Variants in CDH12 observed in about 807,000 individuals in gnomAD.
The protein encoded by CDH12 is cadherin-12.
CDH12 carries 41 observed loss-of-function variants against 74.1 expected under a neutral mutation model. That is an observed-to-expected ratio of 0.55 (90% CI 0.43 to 0.72). CDH12 has a LOEUF of 0.72. CDH12 is among the 30% of genes least tolerant of loss of function. The pLI is 0.00. For synonymous variants in CDH12, 399 were observed against 355.0 expected (o/e 1.12, Z -1.39); for missense variants, 945 against 977.2 (o/e 0.97, Z 0.44).
At chr5:21,921,233 T>C (rs1050266966) in intron 6 of CDH12, among the ~76,000 whole-genome samples, 1 of 152,190 alleles carries the variant, frequency 6.6e-6, no homozygotes, top group Non-Finnish European at 1.5e-5. Context: ...ATGAGTGGCA[T>C]GATCCTAAAT....
intron 1 of CDH12, among the ~76,000 whole-genome samples, chr5:22,599,756 A>G (rs1031458241): frequency 6.6e-6 from 1 of 152,182 alleles, no homozygotes; most frequent in Admixed American, 6.5e-5. Context: ...ATACTTATTT[A>G]TGTATCAAAT....
intron 3 of CDH12, among the ~76,000 whole-genome samples, chr5:22,227,402 C>G (rs1752233534): frequency 6.6e-6 from 1 of 152,062 alleles, no homozygotes; most frequent in Non-Finnish European, 1.5e-5. Flanking sequence ...AAGATAGAAA[C>G]ATGTCAATAA....
chr5:22,183,493 T>C lies in CDH12; in HGVS notation c.-187+29005A>G, dbSNP rs4260631. The stretch of plus-strand genomic sequence containing the variant: ...GTTATAGCACAGACTACTTTTAAAA[T>C]ATTTTTTTCTTATAAAGAAGAAAGA... On this transcript the variant is annotated intron_variant, in intron 4 of 14. Transcript: ENST00000382254. 7.5e-3 allele frequency among the ~76,000 whole-genome samples: 1,147 copies of C among 152,264 alleles called. 19 individuals are homozygous for C. Among genetic ancestry groups the C allele is most frequent in the African/African-American group, 0.026 (1,095 of 41,534 alleles).
At position 21,975,376 on chromosome 5, in the gene CDH12, C is replaced by T. The variant is rs766687645; in HGVS notation, c.241G>A (p.Asp81Asn). 40 of 1,587,870 alleles carry T rather than the reference C, an allele frequency of 2.5e-5. No individual in the cohort carries two copies. The highest frequency in any genetic ancestry group is 2.3e-4 in the Middle Eastern group (1 of 4,362). ...EPQYVGKLHS[D>N]LDKGEGTVKY... Reference sequence around the variant, plus strand: ...ACAGTGCCCTCTCCCTTGTCTAAGTCGGAATGGAGCTTTAGGGAAGAGAAG... The same window carrying T: ...ACAGTGCCCTCTCCCTTGTCTAAGTTGGAATGGAGCTTTAGGGAAGAGAAG... The change falls in exon 6 of 15, where the codon GAC (aspartate) becomes AAC (asparagine). Residue 81 changes from aspartate to asparagine, a missense_variant. Asp to Asn is a conservative substitution (Grantham distance 23). Transcript: ENST00000382254.
chr5:22,799,789 T>C lies in CDH12; in HGVS notation c.-523+53269A>G, dbSNP rs149329612. Among the ~76,000 whole-genome samples the C allele has an allele frequency of 1.9e-4, 29 of 152,240 alleles. No homozygotes were observed. In the East Asian group the frequency reaches 4.2e-3, roughly 22 times the overall value. ...CGTATACCTACATATATACCTACAA[T>C]ATACACAATATATTGATATTTACAA... On this transcript the variant is annotated intron_variant, in intron 1 of 14. Coordinates refer to ENST00000382254, the MANE Select transcript of CDH12 (RefSeq NM_004061.5).
chr5:22,118,962 T>A (rs1745336113), intron 4 of CDH12, among the ~76,000 whole-genome samples: 1 of 152,066 alleles, frequency 6.6e-6, no homozygotes, highest in African/African-American at 2.4e-5. Context: ...ATAATTGCAG[T>A]GAAAAAGTGG....
intron 3 of CDH12, among the ~76,000 whole-genome samples, chr5:22,261,071 G>GTT (rs1251807405): frequency 7.0e-6 from 1 of 143,576 alleles, no homozygotes; most frequent in Admixed American, 7.2e-5. Context: ...GTGTGTGTGT[G>GTT]TGTATATACA....
At chr5:22,379,752 CTATT>C (rs1298683410) in intron 3 of CDH12, among the ~76,000 whole-genome samples, 1 of 151,960 alleles carries the variant, frequency 6.6e-6, no homozygotes, top group Non-Finnish European at 1.5e-5. Flanking sequence ...TTTTATTTAT[CTATT>C]TATTTGTTTA....
chr5:22,343,344 AGAGAGAGAGAGAGAG>A (rs1739972503), intron 3 of CDH12, among the ~76,000 whole-genome samples: 1 of 151,582 alleles, frequency 6.6e-6, no homozygotes, highest in African/African-American at 2.4e-5. Flanking sequence ...AGAGAGAGAG[AGAGAGAGAGAGAGAG>A]AGAGAACACA....
intron 6 of CDH12, among the ~76,000 whole-genome samples, chr5:21,870,294 G>T (rs1171286851): frequency 6.6e-6 from 1 of 152,162 alleles, no homozygotes; most frequent in African/African-American, 2.4e-5. Context: ...GTGTGTGTCT[G>T]TGAGGGTGTT....
At chr5:22,772,865 T>C (rs1029118985) in intron 1 of CDH12, among the ~76,000 whole-genome samples, 1 of 151,854 alleles carries the variant, frequency 6.6e-6, no homozygotes, top group Non-Finnish European at 1.5e-5. Flanking sequence ...AGAATCCTAA[T>C]GAAATTAAAG....
intron 2 of CDH12, among the ~76,000 whole-genome samples, chr5:22,442,123 A>C (rs1744651911): frequency 6.6e-6 from 1 of 152,196 alleles, no homozygotes; most frequent in African/African-American, 2.4e-5. Flanking sequence ...ACTGACTAAA[A>C]GTCGGGTCTA....
intron 4 of CDH12, among the ~76,000 whole-genome samples, chr5:22,129,451 C>A (rs1433702711): frequency 6.6e-6 from 1 of 152,110 alleles, no homozygotes; most frequent in African/African-American, 2.4e-5. Context: ...TGAGAAAAAT[C>A]TCAGCAGAGG....
chr5:21,951,311 C>T (rs188956490), intron 6 of CDH12, among the ~76,000 whole-genome samples: 14 of 152,218 alleles, frequency 9.2e-5, no homozygotes, highest in East Asian at 7.7e-4. Flanking sequence ...TGCAGTGGTG[C>T]GGTCTCAGCT....
At chr5:22,479,998 TCCTCTAAAAG>T (rs1159064122) in intron 2 of CDH12, among the ~76,000 whole-genome samples, 1 of 152,166 alleles carries the variant, frequency 6.6e-6, no homozygotes, top group Admixed American at 6.6e-5. Context: ...ATCCTATCCT[TCCTCTAAAAG>T]TTAGGTAACC....
chr5:21,842,269 G>C lies in CDH12; in HGVS notation c.706C>G (p.Leu236Val). 1 of 1,613,026 alleles carries C rather than the reference G, an allele frequency of 6.2e-7. No individual in the cohort carries two copies. The highest frequency in any genetic ancestry group is 8.5e-7 in the Non-Finnish European group (1 of 1,179,226). ...DREVKEQYQV[L>V]IQAKDMGGQL... ...CCTCCCATATCCTTGGCTTGGATGA[G>C]TACTTGATATTGTTCTTTGACTTCT... Residue 236 changes from leucine (L) to valine (V), a missense_variant, in exon 8 of 15, where the codon CTC (leucine) becomes GTC (valine). By Grantham distance (32) the Leu-to-Val change is conservative (BLOSUM62 1). Around this residue, in one of 3 missense-constraint regions of CDH12, gnomAD observed 791 missense variants for 792.8 expected, o/e 1.00. Transcript: ENST00000382254.
chr5:22,165,799 A>G (rs1435582418), intron 4 of CDH12, among the ~76,000 whole-genome samples: 1 of 152,214 alleles, frequency 6.6e-6, no homozygotes, highest in African/African-American at 2.4e-5. Context: ...CAAGATGGCG[A>G]GGAGAGTGAC....
At chr5:22,561,307 C>T (rs1239689275) in intron 1 of CDH12, among the ~76,000 whole-genome samples, 1 of 152,054 alleles carries the variant, frequency 6.6e-6, no homozygotes, top group East Asian at 1.9e-4. Flanking sequence ...AAGTTTTGTC[C>T]TTACCCATAT....
At chr5:22,625,382 G>A (rs1738233066) in intron 1 of CDH12, among the ~76,000 whole-genome samples, 1 of 152,096 alleles carries the variant, frequency 6.6e-6, no homozygotes, top group African/African-American at 2.4e-5. Flanking sequence ...GTGAGGAGTG[G>A]CCAACACTAA....
Sources: allele counts gnomAD v4.1 joint callset (sites outside exome capture counted in the v4.1 genomes callset), GRCh38; gene constraint gnomAD v4.1.1; regional missense constraint gnomAD v4.1.1; transcripts MANE v1.5; gene names NCBI Gene and HGNC (gene_info 2026-07-23, HGNC 2026-07-21).